The following CLSTN3 variants were observed in gnomAD, a reference collection of about 807,000 sequenced individuals.
CLSTN3 encodes the protein calsyntenin-3.
Under a neutral mutation model 95.9 loss-of-function variants are expected in CLSTN3, and 36 were observed. That is an observed-to-expected ratio of 0.38 (90% CI 0.29 to 0.50). The LOEUF (loss-of-function observed/expected upper bound fraction) is 0.50, where lower values mean the gene tolerates loss of function less well. CLSTN3 is among the 20% of genes least tolerant of loss of function. CLSTN3 has a pLI of 0.95. For missense variants in CLSTN3, 1,084 were observed against 1,268.8 expected, an observed-to-expected ratio of 0.85 and a Z score of 2.21; for synonymous variants, 481 against 504.0, an observed-to-expected ratio of 0.95 and a Z score of 0.61.
Position 7,133,913 on chromosome 12 carries a change from G to T in CLSTN3, c.383+145G>T. ...GACTTAGGGAGCCCCATCCCCTGCT[G>T]TTCCTAGGATTTAGGGACTTTCAGG... On this transcript the variant is annotated intron_variant, in intron 3 of 17. Transcript: ENST00000266546. The surrounding 1 kb of genome is among the most constrained non-coding windows in gnomAD (Gnocchi z 4.7). 5 of 652,806 alleles carry T rather than the reference G, an allele frequency of 7.7e-6. No homozygotes were observed. Among genetic ancestry groups the T allele is most frequent in the Non-Finnish European group, 1.3e-5 (5 of 391,920 alleles). The allele number at this position is 652,806 out of a possible 1,614,324, so 40.4% of individuals were successfully genotyped here. A position where few individuals can be genotyped will look rare whatever the true frequency, so the allele number is the denominator to read the frequency against.
rs774579276 is a variant in CLSTN3 at position 7,136,213 on chromosome 12, C to T, written c.750C>T (p.Asn250=). 9.3e-6 allele frequency: 15 copies of T among 1,613,738 alleles called. No homozygotes were observed. The East Asian group carries it at 3.1e-4, about 34-fold the overall frequency. The change falls in exon 6 of 18, where the codon AAC becomes AAT. Residue 250 remains asparagine (N), a synonymous_variant. Transcript: ENST00000266546. ...PTCKPSWQGW[N]KRIEYAPGAG... Reference sequence around the variant, plus strand: ...TCTGTCTCACCCATGCAGGCTGGAACAAAAGGATCGAATATGCACCAGGTG... The same window carrying T: ...TCTGTCTCACCCATGCAGGCTGGAATAAAAGGATCGAATATGCACCAGGTG...
rs753274212 is a variant in CLSTN3 at position 7,150,347 on chromosome 12, C to T, written c.2246-197C>T. On this transcript the variant is annotated intron_variant, in intron 14 of 17. Transcript: ENST00000266546. This position sits in a 1 kb window ranked among gnomAD's most constrained non-coding sequence, Gnocchi z 4.0. ...AGAGCAGGAAATGGAGCCTTGATCT[C>T]TCCATCCTAGTTAGTCAGAGTGGGC... 6.6e-6 allele frequency among the ~76,000 whole-genome samples: 1 copy of T among 152,226 alleles called. No individual in the cohort carries two copies. Among genetic ancestry groups the T allele is most frequent in the Non-Finnish European group, 1.5e-5 (1 of 68,040 alleles).
At position 7,144,955 on chromosome 12, in the gene CLSTN3, G is replaced by C. The variant is rs80344001; in HGVS notation, c.1847+1644G>C. On this transcript the variant is annotated intron_variant, in intron 12 of 17. Transcript: ENST00000266546. ...TATGCACCCCGCCATGTCCCAGTCA[G>C]AGCTCCAGTTGTTAAAGGGCTGTCA... Among the ~76,000 whole-genome samples, 1,220 of 152,298 alleles carry C rather than the reference G, an allele frequency of 8.0e-3. 18 individuals are homozygous for C. Among genetic ancestry groups the C allele is most frequent in the African/African-American group, 0.028 (1,146 of 41,548 alleles).
intron 1 of CLSTN3, 125 bp downstream of exon 1, chr12:7,130,837 C>A: frequency 1.2e-6 from 1 of 827,688 alleles, no homozygotes; most frequent in Non-Finnish European, 2.0e-6. Flanking sequence ...TTCTGATCAC[C>A]CTCCTTCCCA....
At position 7,137,206 on chromosome 12, in the gene CLSTN3, C is replaced by T; in HGVS notation, c.1210+96C>T. ...TGTGTGACTGTGAACAGGTCACTTCCCCTCTCTTCATTTGTGAGGTGCAAG... is the reference window on the plus strand; with the variant it reads ...TGTGTGACTGTGAACAGGTCACTTCTCCTCTCTTCATTTGTGAGGTGCAAG... On this transcript the variant is annotated intron_variant, in intron 7 of 17. Transcript: ENST00000266546. This position sits in a 1 kb window ranked among gnomAD's most constrained non-coding sequence, Gnocchi z 4.4. The T allele has an allele frequency of 7.8e-6, 10 of 1,285,480 alleles. No homozygotes were observed. Among genetic ancestry groups the T allele is most frequent in the African/African-American group, 1.5e-5 (1 of 67,390 alleles). 79.6% of individuals were successfully genotyped at this position (1,285,480 alleles called of 1,614,324 possible). A position where few individuals can be genotyped will look rare whatever the true frequency, so the allele number is the denominator to read the frequency against.
intron 12 of CLSTN3, among the ~76,000 whole-genome samples, chr12:7,148,100 G>A (rs1939652071): frequency 6.6e-6 from 1 of 151,256 alleles, no homozygotes; most frequent in Admixed American, 6.6e-5. Flanking sequence ...AGGTTGCAGT[G>A]AGCCAAGATC....
chr12:7,129,133 A>G, upstream of CLSTN3: 1 of 307,946 alleles, frequency 3.2e-6, no homozygotes, highest in East Asian at 7.6e-5. This position sits in a 1 kb window ranked among gnomAD's most constrained non-coding sequence, Gnocchi z 5.5. Context: ...TCCAAAACTC[A>G]GCCATCCAAA....
chr12:7,153,958 C>T (rs924966327), intron 16 of CLSTN3, among the ~76,000 whole-genome samples: 4 of 152,300 alleles, frequency 2.6e-5, no homozygotes, highest in East Asian at 3.8e-4. Flanking sequence ...CACCTCCCCT[C>T]GGTGAAGCCC....
At chr12:7,146,852 A>G (rs1275822969) in intron 12 of CLSTN3, among the ~76,000 whole-genome samples, 1 of 152,144 alleles carries the variant, frequency 6.6e-6, no homozygotes, top group East Asian at 1.9e-4. Flanking sequence ...CTGTGCCTTC[A>G]GGGTCATCTG....
At chr12:7,132,906 T>G in intron 1 of CLSTN3, 118 bp from the exon 2 acceptor site, 2 of 1,371,686 alleles carry the variant, frequency 1.5e-6, no homozygotes, top group Non-Finnish European at 2.0e-6. Flanking sequence ...GGTGCTCCTA[T>G]AGGGGGTGGA....
Position 7,157,420 on chromosome 12 carries a change from C to A in CLSTN3, c.2528-69C>A. On this transcript the variant is annotated intron_variant, in intron 16 of 17. Transcript: ENST00000266546. The surrounding 1 kb of genome is among the most constrained non-coding windows in gnomAD (Gnocchi z 5.9). ...AGCCCGGGCTGCCTCTTTTCCTACC[C>A]AGCCCCCTGTCCAAGTGCCCCCAGG... The A allele has an allele frequency of 1.4e-6, 2 of 1,402,888 alleles. No homozygotes were observed. The highest frequency in any genetic ancestry group is 1.9e-6 in the Non-Finnish European group (2 of 1,044,246). The allele number at this position is 1,402,888 out of a possible 1,614,324, so 86.9% of individuals were successfully genotyped here.
At chr12:7,147,384 G>A (rs183896706) in intron 12 of CLSTN3, among the ~76,000 whole-genome samples, 2 of 85,850 alleles carry the variant, frequency 2.3e-5, no homozygotes, top group East Asian at 3.8e-4. Flanking sequence ...GGGCAACAGA[G>A]AGAGACTCTG....
intron 16 of CLSTN3, among the ~76,000 whole-genome samples, chr12:7,152,276 A>T (rs1345588369): frequency 3.3e-5 from 5 of 152,224 alleles, no homozygotes; most frequent in Non-Finnish European, 7.3e-5. Flanking sequence ...ATTGCAAATG[A>T]TGCTGATGTT....
At position 7,143,376 on chromosome 12, in the gene CLSTN3, C is replaced by T. The variant is rs1219920191; in HGVS notation, c.1847+65C>T. 13 of 1,545,478 alleles carry T rather than the reference C, an allele frequency of 8.4e-6. No individual in the cohort carries two copies. In the African/African-American group the frequency reaches 1.8e-4, roughly 21 times the overall value. On this transcript the variant is annotated intron_variant, in intron 12 of 17. Coordinates refer to ENST00000266546, the MANE Select transcript of CLSTN3 (RefSeq NM_014718.4). ...CCAGACAGTGTCACAGCTCCTTGGC[C>T]TAAGGCGTCACCTAGAGCTAGGCAT... is the stretch of plus-strand genomic sequence containing the variant.
intron 16 of CLSTN3, among the ~76,000 whole-genome samples, chr12:7,152,058 GAAA>G (rs779248525): frequency 1.5e-5 from 1 of 67,908 alleles, no homozygotes; most frequent in Non-Finnish European, 3.0e-5. Context: ...TGTCTCAAAG[GAAA>G]AAAAAAAAAA....
intron 12 of CLSTN3, among the ~76,000 whole-genome samples, chr12:7,146,714 G>C (rs1230716813): frequency 3.3e-5 from 5 of 152,106 alleles, no homozygotes; most frequent in African/African-American, 1.2e-4. Flanking sequence ...TTTAACTTTT[G>C]TGTGCCACGT....
Position 7,133,752 on chromosome 12 carries a change from A to G in CLSTN3, c.367A>G (p.Thr123Ala). ...TGGCGAGGGCCCCGACGGGGCCAAC[A>G]CCAAGAAGTCCCACAAGTGAGGAAG... ...DCGEGPDGANTKKSHKATVHV... is the reference protein window; with the variant it reads ...DCGEGPDGANAKKSHKATVHV... Residue 123 changes from threonine to alanine, a missense_variant, in exon 3 of 18, where the codon ACC becomes GCC. Physicochemically the swap from Thr to Ala is moderately conservative, Grantham distance 58 (BLOSUM62 0). Transcript: ENST00000266546. This position sits in a 1 kb window ranked among gnomAD's most constrained non-coding sequence, Gnocchi z 4.7. 1 of 1,579,064 alleles carries G rather than the reference A, an allele frequency of 6.3e-7. No homozygotes were observed.
Position 7,141,374 on chromosome 12 carries a change from C to T in CLSTN3, c.1456C>T (p.Pro486Ser), listed in dbSNP as rs780769952. The T allele has an allele frequency of 4.3e-6, 7 of 1,614,194 alleles. 1 individual carries two copies. The South Asian group carries it at 7.7e-5, about 18-fold the overall frequency. Residue 486 changes from proline to serine, a missense_variant, in exon 9 of 18, where the codon CCT becomes TCT. By Grantham distance (74) the Pro-to-Ser change is moderately conservative (BLOSUM62 -1). Coordinates refer to ENST00000266546, the MANE Select transcript of CLSTN3 (RefSeq NM_014718.4). The surrounding 1 kb of genome is among the most constrained non-coding windows in gnomAD (Gnocchi z 4.1). The part of the protein sequence containing the change: ...NGLIHPPRRE[P>S]ALMIGACWTE... ...CCTCATCCACCCACCCCGAAGGGAG[C>T]CTGCTCTCATGATTGGGGCCTGCTG...
chr12:7,132,864 A>T, intron 1 of CLSTN3, 160 bp from the exon 2 acceptor site: 2 of 881,012 alleles, frequency 2.3e-6, no homozygotes, highest in Non-Finnish European at 3.6e-6. Context: ...TTAGTAGCTG[A>T]TTTCTTGTCC....
Sources: gnomAD v4.1 joint callset for allele counts (sites outside exome capture counted in the v4.1 genomes callset) on GRCh38, gnomAD v4.1.1 for gene constraint, Gnocchi (gnomAD v3.1) non-coding constraint, MANE v1.5 for transcripts, NCBI Gene and HGNC (gene_info 2026-07-23, HGNC 2026-07-21) for gene names.